Variants in RGS8 observed in about 807,000 individuals in gnomAD.
The protein encoded by RGS8 is regulator of G protein signaling 8.
A neutral mutation model predicts 21.7 loss-of-function variants in RGS8; 8 were observed. That is an observed-to-expected ratio of 0.37 (90% CI 0.22 to 0.66). The LOEUF (loss-of-function observed/expected upper bound fraction) is 0.66, where lower values mean the gene tolerates loss of function less well. Among genes scored for constraint, RGS8 ranks in the 30% least tolerant of loss-of-function variants. RGS8 has a pLI of 0.59. For synonymous variants in RGS8, 80 were observed against 83.6 expected, an observed-to-expected ratio of 0.96 and a Z score of 0.24; for missense variants, 157 against 217.9, an observed-to-expected ratio of 0.72 and a Z score of 1.76.
At chr1:182,750,015 T>C in the RGS8 span, among the ~76,000 whole-genome samples, 2 of 152,200 alleles carry the variant, frequency 1.3e-5, no homozygotes, top group African/African-American at 4.8e-5. Context: ...AGAAGGTTGT[T>C]ATGAAAGTTA....
At chr1:182,671,613 C>G (rs200351270) in intron 2 of RGS8, 44 bp downstream of exon 3, 2 of 1,551,368 alleles carry the variant, frequency 1.3e-6, no homozygotes, top group East Asian at 4.5e-5. Flanking sequence ...TCGGTGCACA[C>G]AGACACCCCG....
At chr1:182,672,739 T>G, upstream of RGS8, 1 of 1,545,264 alleles carries the variant, frequency 6.5e-7, no homozygotes, top group Non-Finnish European at 8.9e-7. Context: ...AGTGAGACTT[T>G]TCCTTTTGTT....
At chr1:182,734,005 C>T in the RGS8 span, among the ~76,000 whole-genome samples, 3 of 152,098 alleles carry the variant, frequency 2.0e-5, no homozygotes, top group African/African-American at 7.2e-5. Context: ...GCTGCAACCT[C>T]CGCCTCCCAC....
chr1:182,716,290 T>C, the RGS8 span, among the ~76,000 whole-genome samples: 2 of 151,968 alleles, frequency 1.3e-5, no homozygotes, highest in African/African-American at 4.8e-5. Flanking sequence ...CATGCCTGGC[T>C]AATTTTTTGT....
At chr1:182,742,475 G>A in the RGS8 span, among the ~76,000 whole-genome samples, 10 of 152,162 alleles carry the variant, frequency 6.6e-5, no homozygotes, top group Non-Finnish European at 1.5e-5. Context: ...ACGAGACTCC[G>A]TCTGCAATCT....
At chr1:182,716,671 G>A in the RGS8 span, among the ~76,000 whole-genome samples, 1 of 152,090 alleles carries the variant, frequency 6.6e-6, no homozygotes, top group Non-Finnish European at 1.5e-5. Context: ...CATACTGCTA[G>A]TAAGTTCTGT....
the RGS8 span, among the ~76,000 whole-genome samples, chr1:182,701,599 T>A: frequency 6.6e-6 from 1 of 152,284 alleles, no homozygotes; most frequent in South Asian, 2.1e-4. Flanking sequence ...AAGTTAAGAT[T>A]ATAGGGTTGG....
chr1:182,717,296 A>G, the RGS8 span, among the ~76,000 whole-genome samples: 1 of 152,222 alleles, frequency 6.6e-6, no homozygotes, highest in Admixed American at 6.5e-5. Context: ...GGAGAAAACT[A>G]AGGCTGAGGC....
At position 182,668,392 on chromosome 1, in the gene RGS8, G is replaced by T. The variant is rs990349836; in HGVS notation, c.26+1232C>A. Among the ~76,000 whole-genome samples the T allele has an allele frequency of 2.0e-5, 3 of 152,224 alleles. No homozygotes were observed. The East Asian group carries it at 5.8e-4, about 29-fold the overall frequency. On this transcript the variant is annotated intron_variant, in intron 3 of 6. Coordinates refer to ENST00000483095, the Ensembl canonical transcript of RGS8. ...CTGCATGTTGAAAGGAGTCCTTCTGGCTAGCTTTCTTTCCTCTTTTTCCTA... is the reference window on the plus strand; with the variant it reads ...CTGCATGTTGAAAGGAGTCCTTCTGTCTAGCTTTCTTTCCTCTTTTTCCTA...
intron 2 of RGS8, 111 bp from the exon 4 acceptor site, chr1:182,669,863 CCAG>C (rs1553221801): frequency 6.5e-6 from 8 of 1,230,590 alleles, no homozygotes; most frequent in Non-Finnish European, 8.7e-6. Context: ...ACACATCCCC[CCAG>C]CCCCACAAAT....
the RGS8 span, among the ~76,000 whole-genome samples, chr1:182,724,842 G>A: frequency 3.9e-5 from 6 of 152,340 alleles, no homozygotes; most frequent in Non-Finnish European, 8.8e-5. Context: ...ACAGGCATGA[G>A]CCACCGCGCC....
chr1:182,704,950 G>T, the RGS8 span, among the ~76,000 whole-genome samples: 1 of 152,134 alleles, frequency 6.6e-6, no homozygotes, highest in East Asian at 1.9e-4. Flanking sequence ...CCTACTGCAG[G>T]TTGTGACCTG....
the RGS8 span, among the ~76,000 whole-genome samples, chr1:182,749,815 C>T: frequency 6.6e-6 from 1 of 152,102 alleles, no homozygotes; most frequent in Non-Finnish European, 1.5e-5. Flanking sequence ...GTTTGCTGCA[C>T]CTATCACCCC....
intron 3 of RGS8, among the ~76,000 whole-genome samples, chr1:182,667,975 C>A (rs1001288416): frequency 6.6e-6 from 1 of 152,208 alleles, no homozygotes; most frequent in Non-Finnish European, 1.5e-5. Context: ...AGCCACCACG[C>A]CCAGCTAGCC....
upstream of RGS8, among the ~76,000 whole-genome samples, chr1:182,676,972 T>C (rs1282159808): frequency 1.3e-5 from 2 of 152,226 alleles, no homozygotes; most frequent in African/African-American, 4.8e-5. Flanking sequence ...GGAAATGCCC[T>C]GTAAATTCCA....
intron 3 of RGS8, among the ~76,000 whole-genome samples, chr1:182,667,819 G>T (rs577049993): frequency 6.6e-6 from 1 of 151,402 alleles, no homozygotes; most frequent in East Asian, 1.9e-4. Context: ...ATTAGTCTCC[G>T]TTTACCACTT....
the RGS8 span, among the ~76,000 whole-genome samples, chr1:182,751,467 C>T: frequency 2.6e-5 from 4 of 152,062 alleles, no homozygotes; most frequent in South Asian, 2.1e-4. Flanking sequence ...CGCGTGCCTA[C>T]GTACAAATCA....
intron 5 of RGS8, among the ~76,000 whole-genome samples, chr1:182,653,830 G>A (rs599704): frequency 0.013 from 2,049 of 152,344 alleles, 59 homozygotes; most frequent in African/African-American, 0.047. Context: ...ACCCAGGAAG[G>A]TAGAAGAAAT....
chr1:182,684,767 TC>T (rs1221040184), upstream of RGS8, among the ~76,000 whole-genome samples: 2 of 151,804 alleles, frequency 1.3e-5, no homozygotes, highest in African/African-American at 4.8e-5. The surrounding 1 kb of genome is among the most constrained non-coding windows in gnomAD (Gnocchi z 4.2). Context: ...CTGGTGGCTC[TC>T]CAGAATTCAG....
Sources: allele counts gnomAD v4.1 joint callset (sites outside exome capture counted in the v4.1 genomes callset), GRCh38; gene constraint gnomAD v4.1.1; non-coding constraint Gnocchi (gnomAD v3.1); transcripts MANE v1.5; gene names NCBI Gene and HGNC (gene_info 2026-07-23, HGNC 2026-07-21).